Variants in DSCAM observed in about 807,000 individuals in gnomAD.
DSCAM encodes the protein cell adhesion molecule DSCAM.
DSCAM carries 47 observed loss-of-function variants against 217.7 expected under a neutral mutation model. The observed-to-expected ratio is 0.22, with a 90% CI of 0.17 to 0.28. The LOEUF is 0.28. Among genes scored for constraint, DSCAM ranks in the 10% least tolerant of loss-of-function variants. The pLI, the probability that DSCAM is intolerant of heterozygous loss-of-function variation, is 1.00. For synonymous variants in DSCAM, 1,056 were observed against 1,015.3 expected (o/e 1.04, Z -0.76); for missense variants, 2,080 against 2,618.3 (o/e 0.79, Z 4.49).
At chr21:40,200,921 A>C (rs2146855886) in intron 11 of DSCAM, among the ~76,000 whole-genome samples, 1 of 152,368 alleles carries the variant, frequency 6.6e-6, no homozygotes, top group Non-Finnish European at 1.5e-5. Flanking sequence ...CTTATTGTTC[A>C]TAAGATTTCG....
At chr21:40,457,041 G>T (rs1317928942) in intron 3 of DSCAM, among the ~76,000 whole-genome samples, 1 of 152,124 alleles carries the variant, frequency 6.6e-6, no homozygotes, top group African/African-American at 2.4e-5. Context: ...AAGGGATAGA[G>T]GGATGCCTAT....
chr21:40,311,931 G>GTTTTTTT, intron 9 of DSCAM, 150 bp downstream of exon 9: 1 of 496,982 alleles, frequency 2.0e-6, no homozygotes, highest in Non-Finnish European at 3.1e-6. Flanking sequence ...GTTTAGAGTC[G>GTTTTTTT]TATTTTTTTT....
At chr21:40,226,150 G>A (rs1023200799) in intron 11 of DSCAM, among the ~76,000 whole-genome samples, 1 of 152,180 alleles carries the variant, frequency 6.6e-6, no homozygotes, top group Admixed American at 6.5e-5. Flanking sequence ...ACATCGCAGA[G>A]CTGGGATACA....
intron 3 of DSCAM, among the ~76,000 whole-genome samples, chr21:40,650,794 G>T (rs757062286): frequency 6.6e-6 from 1 of 152,142 alleles, no homozygotes; most frequent in African/African-American, 2.4e-5. Context: ...TGCGCCTTTA[G>T]TCCCAGCTAC....
Position 40,356,225 on chromosome 21 carries a change from T to A in DSCAM, c.656-2482A>T, listed in dbSNP as rs375133001. Among the ~76,000 whole-genome samples, 20 of 152,264 alleles carry A rather than the reference T, an allele frequency of 1.3e-4. 1 individual carries two copies. The highest frequency in any genetic ancestry group is 8.5e-4 in the Admixed American group (13 of 15,300). ...GCCAGATGAATAGATTCTAGAGGTT[T>A]ACTATGCAGCACAGTGACTACAGTT... is the stretch of plus-strand genomic sequence containing the variant. On this transcript the variant is annotated intron_variant, in intron 4 of 32. Transcript: ENST00000400454.
intron 3 of DSCAM, among the ~76,000 whole-genome samples, chr21:40,448,061 C>G (rs898896042): frequency 3.3e-5 from 5 of 152,178 alleles, no homozygotes; most frequent in African/African-American, 1.2e-4. Context: ...AATAGGTCAA[C>G]ATGGAAATCA....
intron 16 of DSCAM, among the ~76,000 whole-genome samples, chr21:40,159,649 T>G (rs2090517985): frequency 6.6e-6 from 1 of 152,230 alleles, no homozygotes; most frequent in Non-Finnish European, 1.5e-5. Flanking sequence ...TTGAGCAATC[T>G]TGGCTCACTG....
At chr21:40,146,913 T>G (rs577735097) in intron 16 of DSCAM, among the ~76,000 whole-genome samples, 2 of 152,316 alleles carry the variant, frequency 1.3e-5, no homozygotes, top group East Asian at 3.9e-4. Flanking sequence ...ATTGTTTTGC[T>G]GCAACCACTG....
At chr21:40,621,491 C>T (rs1324552347) in intron 3 of DSCAM, 1 of 152,116 alleles carries the variant, frequency 6.6e-6, no homozygotes, top group East Asian at 1.9e-4. Context: ...TGGTTCAAAG[C>T]TCCAGTGTAC....
At chr21:40,595,015 CT>C in intron 3 of DSCAM, among the ~76,000 whole-genome samples, 1 of 152,290 alleles carries the variant, frequency 6.6e-6, no homozygotes, top group South Asian at 2.1e-4. Context: ...TGAAGTCCCC[CT>C]AGCCCAGGCA....
chr21:40,691,989 G>A (rs1425077330), intron 3 of DSCAM, among the ~76,000 whole-genome samples: 3 of 152,220 alleles, frequency 2.0e-5, no homozygotes, highest in Non-Finnish European at 4.4e-5. Context: ...CATGTGTGTT[G>A]TGCGTGTGTG....
chr21:40,224,592 G>T (rs968677227), intron 11 of DSCAM, among the ~76,000 whole-genome samples: 4 of 152,062 alleles, frequency 2.6e-5, no homozygotes, highest in Admixed American at 6.5e-5. Flanking sequence ...TATCAATAAC[G>T]TTGCAAAAAG....
intron 30 of DSCAM, among the ~76,000 whole-genome samples, chr21:40,047,560 G>T (rs1228344342): frequency 6.6e-6 from 1 of 152,146 alleles, no homozygotes; most frequent in Non-Finnish European, 1.5e-5. Flanking sequence ...TCCTGAGTTT[G>T]GGATGAGAGA....
chr21:40,620,376 AAGAAAGAAAG>A (rs1352692782), intron 3 of DSCAM, among the ~76,000 whole-genome samples: 2 of 98,206 alleles, frequency 2.0e-5, no homozygotes, highest in Non-Finnish European at 5.0e-5. Flanking sequence ...AAAAGAAAGA[AAGAAAGAAAG>A]AGAAAGAAAG....
At chr21:40,774,529 G>A (rs1018701095) in intron 1 of DSCAM, among the ~76,000 whole-genome samples, 1 of 152,188 alleles carries the variant, frequency 6.6e-6, no homozygotes, top group Non-Finnish European at 1.5e-5. Flanking sequence ...TTCTAAATGT[G>A]TCTCATAACC....
At chr21:40,633,493 T>G (rs1199130795) in intron 3 of DSCAM, among the ~76,000 whole-genome samples, 1 of 152,220 alleles carries the variant, frequency 6.6e-6, no homozygotes, top group Non-Finnish European at 1.5e-5. Flanking sequence ...AAACTATTAG[T>G]AAAACAAAAT....
intron 15 of DSCAM, among the ~76,000 whole-genome samples, chr21:40,178,133 A>C (rs2090752989): frequency 6.6e-6 from 1 of 152,190 alleles, no homozygotes; most frequent in African/African-American, 2.4e-5. Flanking sequence ...AGGCGGGCTG[A>C]CAATCAGCAT....
At chr21:40,389,604 C>T (rs2075116046) in intron 3 of DSCAM, among the ~76,000 whole-genome samples, 1 of 152,154 alleles carries the variant, frequency 6.6e-6, no homozygotes, top group South Asian at 2.1e-4. Context: ...CCATCTAAAA[C>T]ATAAAGTACA....
chr21:40,344,672 T>C (rs981438825), intron 6 of DSCAM, among the ~76,000 whole-genome samples: 2 of 152,194 alleles, frequency 1.3e-5, no homozygotes, highest in Non-Finnish European at 2.9e-5. Flanking sequence ...TGTAATATTT[T>C]TCCTCCCTCA....
Sources: allele counts gnomAD v4.1 joint callset (sites outside exome capture counted in the v4.1 genomes callset), GRCh38; gene constraint gnomAD v4.1.1; transcripts MANE v1.5; gene names NCBI Gene and HGNC (gene_info 2026-07-23, HGNC 2026-07-21).